The following ZNF385D variants were observed in gnomAD, a reference collection of about 807,000 sequenced individuals.
ZNF385D encodes the protein zinc finger protein 659.
In ZNF385D, 15 loss-of-function variants were observed where a neutral mutation model predicts 35.8. That is an observed-to-expected ratio of 0.42 (90% confidence interval 0.28 to 0.64). The LOEUF (loss-of-function observed/expected upper bound fraction) is 0.64. Ranked by LOEUF, ZNF385D falls within the 30% of genes least tolerant of loss-of-function variation. The pLI is 0.23. For missense variants in ZNF385D, 474 were observed against 494.6 expected, an observed-to-expected ratio of 0.96 and a Z score of 0.39; for synonymous variants, 212 against 186.8, an observed-to-expected ratio of 1.13 and a Z score of -1.10.
At chr3:21,626,462 G>T (rs2065137591) in intron 2 of ZNF385D, among the ~76,000 whole-genome samples, 1 of 152,104 alleles carries the variant, frequency 6.6e-6, no homozygotes, top group Non-Finnish European at 1.5e-5. Flanking sequence ...CATCTCTTAA[G>T]ATAATATTTG....
intron 1 of ZNF385D, among the ~76,000 whole-genome samples, chr3:21,688,210 G>C (rs1474636513): frequency 6.6e-6 from 1 of 152,054 alleles, no homozygotes; most frequent in African/African-American, 2.4e-5. Flanking sequence ...ATAAGTGCTT[G>C]AAACCGCCTT....
At chr3:21,468,755 T>C (rs1010418850) in intron 4 of ZNF385D, among the ~76,000 whole-genome samples, 22 of 151,842 alleles carry the variant, frequency 1.4e-4, no homozygotes, top group African/African-American at 5.3e-4. Context: ...GAAACTCCGT[T>C]TCTACTTAAA....
At chr3:22,265,286 A>C (rs190684060) in intron 2 of ZNF385D, among the ~76,000 whole-genome samples, 30 of 152,116 alleles carry the variant, frequency 2.0e-4, no homozygotes, top group African/African-American at 7.0e-4. Context: ...TGTTTAAGCT[A>C]AGAACATTTA....
intron 3 of ZNF385D, among the ~76,000 whole-genome samples, chr3:22,032,850 T>A (rs752967441): frequency 2.0e-5 from 3 of 152,180 alleles, no homozygotes; most frequent in Non-Finnish European, 4.4e-5. Context: ...CAATTACCCC[T>A]GAGCTAGCGT....
intron 2 of ZNF385D, among the ~76,000 whole-genome samples, chr3:21,587,915 A>G (rs2063858157): frequency 6.6e-6 from 1 of 152,098 alleles, no homozygotes; most frequent in South Asian, 2.1e-4. Context: ...CAGACAGGCC[A>G]ATTTCTGTGC....
chr3:22,148,866 G>A (rs1705039173), intron 3 of ZNF385D, among the ~76,000 whole-genome samples: 1 of 152,138 alleles, frequency 6.6e-6, no homozygotes, highest in Admixed American at 6.6e-5. Flanking sequence ...AAGAAAGATA[G>A]ACGAAACCTA....
chr3:21,800,851 A>G (rs919796601), intron 3 of ZNF385D, among the ~76,000 whole-genome samples: 2 of 151,716 alleles, frequency 1.3e-5, no homozygotes, highest in Non-Finnish European at 2.9e-5. Context: ...TTCAATTTGT[A>G]TACTTTTGTT....
At chr3:22,244,812 T>G (rs1221652827) in intron 2 of ZNF385D, among the ~76,000 whole-genome samples, 1 of 150,752 alleles carries the variant, frequency 6.6e-6, no homozygotes, top group Admixed American at 6.6e-5. Flanking sequence ...TGGGGGAATT[T>G]TTTTCCTTGA....
At chr3:22,327,831 T>C (rs190896397) in intron 2 of ZNF385D, among the ~76,000 whole-genome samples, 1 of 152,346 alleles carries the variant, frequency 6.6e-6, no homozygotes, top group East Asian at 1.9e-4. Flanking sequence ...TGACCTTGTA[T>C]GGAAGAGAAC....
intron 2 of ZNF385D, among the ~76,000 whole-genome samples, chr3:21,583,340 A>G (rs902013055): frequency 1.3e-5 from 2 of 152,194 alleles, no homozygotes; most frequent in African/African-American, 4.8e-5. Flanking sequence ...TGTATTTCCC[A>G]TGCACTTCAA....
At chr3:22,089,477 C>T (rs1478876506) in intron 3 of ZNF385D, among the ~76,000 whole-genome samples, 1 of 152,168 alleles carries the variant, frequency 6.6e-6, no homozygotes, top group Non-Finnish European at 1.5e-5. Flanking sequence ...TCCTGCGGTA[C>T]ACGCAATTTC....
At chr3:22,043,251 C>G (rs1490827378) in intron 3 of ZNF385D, among the ~76,000 whole-genome samples, 1 of 152,066 alleles carries the variant, frequency 6.6e-6, no homozygotes, top group Non-Finnish European at 1.5e-5. Flanking sequence ...AGAAATCTTG[C>G]TAATTGGAAG....
chr3:22,035,905 T>A (rs1698285773), intron 3 of ZNF385D, among the ~76,000 whole-genome samples: 1 of 151,822 alleles, frequency 6.6e-6, no homozygotes. Flanking sequence ...TGATAAATGA[T>A]TAGGGACACA....
chr3:22,314,770 A>G (rs373645031), intron 2 of ZNF385D, among the ~76,000 whole-genome samples: 10 of 152,214 alleles, frequency 6.6e-5, no homozygotes, highest in African/African-American at 2.4e-4. Context: ...AGTGGCTTTA[A>G]TTGCATTTTA....
chr3:22,205,824 A>C (rs1202921681), intron 2 of ZNF385D, among the ~76,000 whole-genome samples: 1 of 151,968 alleles, frequency 6.6e-6, no homozygotes, highest in Non-Finnish European at 1.5e-5. Flanking sequence ...TAAAAGGAAG[A>C]AGGAAGGAAA....
At position 21,789,418 on chromosome 3, in the gene ZNF385D, G is replaced by A. The variant is rs1575653275; in HGVS notation, c.326-124390C>T. Among the ~76,000 whole-genome samples the A allele has an allele frequency of 2.0e-5, 3 of 152,168 alleles. No homozygotes were observed. In the East Asian group the frequency reaches 5.8e-4, roughly 29 times the overall value. Reference sequence around the variant, plus strand: ...GGAGTGGGGAGATCTAGGGCAGAATGTTGGTTTTGTTGTTGTTGCTCTAAA... The same window carrying A: ...GGAGTGGGGAGATCTAGGGCAGAATATTGGTTTTGTTGTTGTTGCTCTAAA... On this transcript the variant is annotated intron_variant, in intron 3 of 5. Coordinates refer to the ZNF385D transcript ENST00000494108.
chr3:21,440,864 T>A (rs1206886170), intron 4 of ZNF385D, among the ~76,000 whole-genome samples: 1 of 152,118 alleles, frequency 6.6e-6, no homozygotes, highest in Non-Finnish European at 1.5e-5. Context: ...TTTCTTAATT[T>A]TTAGATAGAG....
At chr3:22,212,442 C>T (rs140315130) in intron 2 of ZNF385D, among the ~76,000 whole-genome samples, 1 of 152,058 alleles carries the variant, frequency 6.6e-6, no homozygotes, top group Non-Finnish European at 1.5e-5. Context: ...TCAAGTGGCT[C>T]TGATCCACCT....
intron 4 of ZNF385D, among the ~76,000 whole-genome samples, chr3:21,474,882 A>AT (rs1274556154): frequency 6.6e-6 from 1 of 152,076 alleles, no homozygotes; most frequent in African/African-American, 2.4e-5. Context: ...ATAGCTTTAT[A>AT]TTTTAATTAG....
Sources: gnomAD v4.1 joint callset for allele counts (sites outside exome capture counted in the v4.1 genomes callset) on GRCh38, gnomAD v4.1.1 for gene constraint, MANE v1.5 for transcripts, NCBI Gene and HGNC (gene_info 2026-07-23, HGNC 2026-07-21) for gene names.